The following AUTS2 variants were observed in gnomAD, a reference collection of about 807,000 sequenced individuals.
The protein encoded by AUTS2 is activator of transcription and developmental regulator AUTS2.
Under a neutral mutation model 112.4 loss-of-function variants are expected in AUTS2, and 17 were observed. That is an observed-to-expected ratio of 0.15 (90% CI 0.10 to 0.23). The LOEUF (loss-of-function observed/expected upper bound fraction) is 0.23, where lower values mean the gene tolerates loss of function less well. AUTS2 is among the 10% of genes least tolerant of loss of function. AUTS2 has a pLI of 1.00. For synonymous variants in AUTS2, 751 were observed against 702.7 expected, an observed-to-expected ratio of 1.07 and a Z score of -1.09; for missense variants, 1,510 against 1,701.6, an observed-to-expected ratio of 0.89 and a Z score of 1.98.
intron 2 of AUTS2, among the ~76,000 whole-genome samples, chr7:70,038,680 A>G (rs994002941): frequency 3.3e-4 from 51 of 152,250 alleles, no homozygotes; most frequent in East Asian, 7.7e-4. Context: ...TGGCTTTGCT[A>G]TGAAATAGAC....
At chr7:69,761,835 T>C (rs1485513436) in intron 1 of AUTS2, among the ~76,000 whole-genome samples, 3 of 152,220 alleles carry the variant, frequency 2.0e-5, no homozygotes, top group African/African-American at 7.2e-5. Context: ...TCCTGCTGCC[T>C]CCCACTGGAT....
chr7:70,775,104 GGCACATT>G (rs746437812), intron 12 of AUTS2: 43 of 515,750 alleles, frequency 8.3e-5, no homozygotes, highest in Non-Finnish European at 1.3e-4. Flanking sequence ...GTTGCCAGAG[GGCACATT>G]GCTATTGATT....
At chr7:69,998,184 T>C (rs1429477063) in intron 2 of AUTS2, among the ~76,000 whole-genome samples, 1 of 152,106 alleles carries the variant, frequency 6.6e-6, no homozygotes, top group East Asian at 1.9e-4. Flanking sequence ...ATGGTGATGA[T>C]GTGGGGCAAA....
intron 4 of AUTS2, among the ~76,000 whole-genome samples, chr7:70,148,442 G>A (rs973798326): frequency 6.6e-6 from 1 of 151,970 alleles, no homozygotes; most frequent in African/African-American, 2.4e-5. Flanking sequence ...ATTAATTCTT[G>A]CTGTACTGAA....
chr7:70,427,221 A>T lies in AUTS2; in HGVS notation c.661-8531A>T, dbSNP rs1424846676. Among the ~76,000 whole-genome samples, 4 of 152,260 alleles carry T rather than the reference A, an allele frequency of 2.6e-5. No individual in the cohort carries two copies. The East Asian group carries it at 7.7e-4, about 29-fold the overall frequency. On this transcript the variant is annotated intron_variant, in intron 4 of 18. Transcript: ENST00000342771. The stretch of plus-strand genomic sequence containing the variant: ...TTAATGCTATTGATGACTTAGAATC[A>T]GTAAATCAATGACAGAGAAGCAAAG...
chr7:70,764,726 TTTTC>T (rs1351332651), intron 7 of AUTS2, 22 bp from the exon 8 acceptor site: 5 of 719,248 alleles, frequency 7.0e-6, no homozygotes, highest in Non-Finnish European at 5.1e-6. Flanking sequence ...TATTTTTTTC[TTTTC>T]TTTTTTTTCT....
intron 5 of AUTS2, among the ~76,000 whole-genome samples, chr7:70,608,455 C>T (rs980678366): frequency 2.6e-5 from 4 of 152,060 alleles, no homozygotes; most frequent in Admixed American, 6.5e-5. Context: ...TGGTTTTGTC[C>T]GGGAGGTTTT....
Position 69,599,638 on chromosome 7 carries a change from C to A in AUTS2, c.-16C>A. On this transcript the variant is annotated 5_prime_UTR_variant, in exon 1 of 19. Coordinates refer to ENST00000342771, the MANE Select transcript of AUTS2 (RefSeq NM_015570.4). The surrounding 1 kb of genome is among the most constrained non-coding windows in gnomAD (Gnocchi z 7.0). ...CCTGTGGCGGGCAAGCGGGGAGACC[C>A]CGGCGCAGCAGAACCATGGATGGCC... is the stretch of plus-strand genomic sequence containing the variant. The A allele has an allele frequency of 7.8e-7, 1 of 1,281,336 alleles. No individual in the cohort carries two copies. Among genetic ancestry groups the A allele is most frequent in the Non-Finnish European group, 9.8e-7 (1 of 1,016,350 alleles). 79.4% of individuals were successfully genotyped at this position (1,281,336 alleles called of 1,614,324 possible).
chr7:69,814,601 A>G (rs879020536), intron 1 of AUTS2, among the ~76,000 whole-genome samples: 2 of 152,256 alleles, frequency 1.3e-5, no homozygotes, highest in East Asian at 3.8e-4. Context: ...CAGTGTACTG[A>G]ATAGGACTCC....
chr7:70,475,773 T>G (rs954804159), intron 5 of AUTS2, among the ~76,000 whole-genome samples: 6 of 152,266 alleles, frequency 3.9e-5, no homozygotes, highest in Admixed American at 3.3e-4. Context: ...GGACCATGGC[T>G]TCCTACAATA....
chr7:70,410,336 A>G (rs1794718229), intron 4 of AUTS2, among the ~76,000 whole-genome samples: 1 of 152,122 alleles, frequency 6.6e-6, no homozygotes, highest in Non-Finnish European at 1.5e-5. Context: ...CATAAGTTGA[A>G]CTTCAGATTT....
At position 70,790,635 on chromosome 7, in the gene AUTS2, G is replaced by T. The variant is rs145671325; in HGVS notation, c.3419G>T (p.Arg1140Leu). 5.0e-6 allele frequency: 8 copies of T among 1,611,830 alleles called. No individual in the cohort carries two copies. The highest frequency in any genetic ancestry group is 6.8e-6 in the Non-Finnish European group (8 of 1,179,418). Residue 1140 changes from arginine (R) to leucine (L), a missense_variant, in exon 19 of 19, where the codon CGG (arginine) becomes CTG (leucine). By Grantham distance (102) the Arg-to-Leu change is moderately radical. This residue lies in a region of AUTS2 where 788 missense variants were observed against 797.6 expected (regional missense o/e 0.99). Transcript: ENST00000342771. The surrounding 1 kb of genome is among the most constrained non-coding windows in gnomAD (Gnocchi z 7.6). ...HHHHPLSVDP[R>L]REHERGGHLD... ...CACCACCCGCTGTCTGTGGACCCTC[G>T]GCGGGAGCACGAGCGGGGAGGCCAC...
chr7:69,614,326 T>TTCTTTCTTTCTTTC (rs1793212007), intron 1 of AUTS2, among the ~76,000 whole-genome samples: 1 of 64,978 alleles, frequency 1.5e-5, no homozygotes, highest in East Asian at 6.1e-4. Context: ...CTTTCTTTCT[T>TTCTTTCTTTCTTTC]TCTTTCTTTC....
intron 2 of AUTS2, among the ~76,000 whole-genome samples, chr7:70,096,925 G>A (rs933303273): frequency 6.6e-6 from 1 of 152,202 alleles, no homozygotes; most frequent in African/African-American, 2.4e-5. Flanking sequence ...CTTGAAAAGT[G>A]ATATTGGGCA....
At chr7:70,358,838 A>G (rs1406068075) in intron 4 of AUTS2, among the ~76,000 whole-genome samples, 1 of 152,154 alleles carries the variant, frequency 6.6e-6, no homozygotes, top group Non-Finnish European at 1.5e-5. Context: ...CTCACACTTC[A>G]TGTCCTGCAA....
intron 4 of AUTS2, chr7:70,293,115 C>T (rs1234241891): frequency 6.6e-6 from 1 of 152,230 alleles, no homozygotes; most frequent in African/African-American, 2.4e-5. Flanking sequence ...AAGCCCTGAT[C>T]TCATCTCTGT....
intron 4 of AUTS2, among the ~76,000 whole-genome samples, chr7:70,419,451 A>G: frequency 6.6e-6 from 1 of 150,502 alleles, no homozygotes. Flanking sequence ...GGGTGGGGGG[A>G]GTTTGCTGTA....
intron 1 of AUTS2, among the ~76,000 whole-genome samples, chr7:69,858,285 G>A (rs776849330): frequency 1.2e-4 from 18 of 152,236 alleles, no homozygotes; most frequent in Admixed American, 3.9e-4. Flanking sequence ...TCACCTGGAT[G>A]TCAGTGCCTT....
chr7:69,810,975 C>A (rs1584279207), intron 1 of AUTS2, among the ~76,000 whole-genome samples: 1 of 152,138 alleles, frequency 6.6e-6, no homozygotes, highest in African/African-American at 2.4e-5. Flanking sequence ...AGCACACAGC[C>A]CCCTAGAAAT....
Sources: allele counts gnomAD v4.1 joint callset (sites outside exome capture counted in the v4.1 genomes callset), GRCh38; gene constraint gnomAD v4.1.1; regional missense constraint gnomAD v4.1.1; non-coding constraint Gnocchi (gnomAD v3.1); transcripts MANE v1.5; gene names NCBI Gene and HGNC (gene_info 2026-07-23, HGNC 2026-07-21).